The following SPECC1 variants were observed in gnomAD, a reference collection of about 807,000 sequenced individuals.
The protein encoded by SPECC1 is sperm antigen with calponin homology and coiled-coil domains 1, also known as cytospin-B.
Under a neutral mutation model 104.1 loss-of-function variants are expected in SPECC1, and 62 were observed. The ratio of observed to expected loss-of-function variants is 0.60; its 90% confidence interval spans 0.49 to 0.74. SPECC1 has a LOEUF of 0.74. Ranked by LOEUF, SPECC1 falls within the 30% of genes least tolerant of loss-of-function variation. The pLI is 0.00. For missense variants in SPECC1, 1,306 were observed against 1,310.5 expected (o/e 1.00, Z 0.05); for synonymous variants, 513 against 501.6 (o/e 1.02, Z -0.30).
intron 3 of SPECC1, among the ~76,000 whole-genome samples, chr17:20,194,069 ATTTGT>A (rs1377143853): frequency 1.3e-5 from 2 of 152,174 alleles, no homozygotes; most frequent in African/African-American, 4.8e-5. Context: ...GGTAAGACTG[ATTTGT>A]TTTATTATAC....
chr17:20,250,992 CAA>C (rs2039604476), intron 9 of SPECC1, among the ~76,000 whole-genome samples: 1 of 151,894 alleles, frequency 6.6e-6, no homozygotes, highest in Non-Finnish European at 1.5e-5. Context: ...TTTGGGAGGC[CAA>C]GGTAGGTGGA....
chr17:20,279,309 C>CA (rs2040679746), intron 12 of SPECC1, among the ~76,000 whole-genome samples: 1 of 131,866 alleles, frequency 7.6e-6, no homozygotes, highest in Non-Finnish European at 1.6e-5. Flanking sequence ...ACTTTTCTTT[C>CA]TTTTTTTTTT....
intron 1 of SPECC1, among the ~76,000 whole-genome samples, chr17:20,089,617 C>A (rs1172848385): frequency 1.3e-5 from 2 of 152,050 alleles, no homozygotes; most frequent in Non-Finnish European, 2.9e-5. Context: ...TGGAGTAAGA[C>A]CCCATCTCTA....
intron 2 of SPECC1, among the ~76,000 whole-genome samples, chr17:20,105,617 T>C (rs1264990642): frequency 6.6e-6 from 1 of 152,140 alleles, no homozygotes; most frequent in East Asian, 1.9e-4. Context: ...GCCCTGAGCA[T>C]GGTGCTGCAG....
intron 12 of SPECC1, among the ~76,000 whole-genome samples, chr17:20,281,000 G>C (rs1293228256): frequency 6.6e-6 from 1 of 152,216 alleles, no homozygotes; most frequent in South Asian, 2.1e-4. Flanking sequence ...AGTGTGAGGA[G>C]GAAGGAGCGG....
chr17:20,134,127 T>C (rs1367069143), intron 3 of SPECC1, among the ~76,000 whole-genome samples: 2 of 149,958 alleles, frequency 1.3e-5, no homozygotes, highest in South Asian at 2.1e-4. Flanking sequence ...TATAACAAAA[T>C]ATAGTATAAA....
intron 1 of SPECC1, among the ~76,000 whole-genome samples, chr17:20,080,645 G>C (rs567954875): frequency 6.6e-6 from 1 of 152,262 alleles, no homozygotes; most frequent in African/African-American, 2.4e-5. Context: ...GTCTCGGGTT[G>C]TCTTGAGTCT....
intron 3 of SPECC1, among the ~76,000 whole-genome samples, chr17:20,124,253 CG>C (rs1457468445): frequency 1.3e-5 from 2 of 151,764 alleles, no homozygotes; most frequent in Non-Finnish European, 2.9e-5. Flanking sequence ...GGGGAACAGA[CG>C]GGGGGAAGCA....
At chr17:20,292,149 C>G (rs1280281918) in intron 12 of SPECC1, among the ~76,000 whole-genome samples, 2 of 151,912 alleles carry the variant, frequency 1.3e-5, no homozygotes. Flanking sequence ...GAAGGGGGAG[C>G]TGAGTACTGG....
chr17:20,256,812 A>T (rs2039849706), intron 10 of SPECC1, among the ~76,000 whole-genome samples: 1 of 152,200 alleles, frequency 6.6e-6, no homozygotes. Context: ...GTCAAGTCCA[A>T]ATCCAGCCTG....
intron 3 of SPECC1, among the ~76,000 whole-genome samples, chr17:20,127,928 T>C (rs937097186): frequency 2.0e-5 from 3 of 152,132 alleles, no homozygotes; most frequent in Admixed American, 2.0e-4. Context: ...CTCAACTTAG[T>C]AGTCCAGTTA....
At chr17:20,062,692 AT>A (rs112506359) in intron 1 of SPECC1, among the ~76,000 whole-genome samples, 12,556 of 142,836 alleles carry the variant, frequency 0.088, 766 homozygotes, top group African/African-American at 0.18. Flanking sequence ...CAAGAAATAC[AT>A]TTTTTTTTTT....
In SPECC1 at chr17:20,093,118, C is replaced by T. The variant is rs547951437; in HGVS notation, c.-21-3513C>T. Among the ~76,000 whole-genome samples the T allele has an allele frequency of 1.2e-4, 18 of 152,268 alleles. No homozygotes were observed. The South Asian group carries it at 3.7e-3, about 32-fold the overall frequency. ...GTTCAGGCTGCTGTAAGAGAAATAC[C>T]ATAAACTGGGTGACTTATAAGCAAC... On this transcript the variant is annotated intron_variant, in intron 1 of 14. Coordinates refer to ENST00000395527, the MANE Select transcript of SPECC1 (RefSeq NM_001243439.2).
At chr17:20,041,960 C>T (rs2045348963) in intron 1 of SPECC1, among the ~76,000 whole-genome samples, 1 of 152,148 alleles carries the variant, frequency 6.6e-6, no homozygotes, top group Non-Finnish European at 1.5e-5. Flanking sequence ...AACATCCTTT[C>T]AGGTAGTTCT....
intron 3 of SPECC1, among the ~76,000 whole-genome samples, chr17:20,141,450 C>T (rs567706400): frequency 6.6e-6 from 1 of 152,298 alleles, no homozygotes; most frequent in African/African-American, 2.4e-5. Context: ...GTCATGCTAA[C>T]TGATTCAGAG....
intron 4 of SPECC1, among the ~76,000 whole-genome samples, chr17:20,221,701 T>C (rs2151432773): frequency 6.6e-6 from 1 of 152,300 alleles, no homozygotes; most frequent in Non-Finnish European, 1.5e-5. Context: ...TCATTTGCTC[T>C]TGCTTTTCTG....
intron 12 of SPECC1, among the ~76,000 whole-genome samples, chr17:20,283,716 A>G (rs1265934947): frequency 6.6e-6 from 1 of 152,078 alleles, no homozygotes; most frequent in Non-Finnish European, 1.5e-5. Context: ...CCTCCCAAGT[A>G]GCTGGGACTA....
intron 7 of SPECC1, among the ~76,000 whole-genome samples, chr17:20,244,119 C>CG (rs1347509989): frequency 6.6e-6 from 1 of 151,902 alleles, no homozygotes; most frequent in Non-Finnish European, 1.5e-5. Context: ...CAGCAAGCTA[C>CG]GCAGGAGGCT....
chr17:20,223,044 A>G (rs926374541), intron 4 of SPECC1, among the ~76,000 whole-genome samples: 5 of 152,008 alleles, frequency 3.3e-5, no homozygotes, highest in South Asian at 2.1e-4. Flanking sequence ...TTGGTGTTCT[A>G]TAACCTATTG....
Sources: allele counts gnomAD v4.1 joint callset (sites outside exome capture counted in the v4.1 genomes callset), GRCh38; gene constraint gnomAD v4.1.1; transcripts MANE v1.5; gene names NCBI Gene and HGNC (gene_info 2026-07-23, HGNC 2026-07-21).